Variants in ZBED6 observed in about 807,000 individuals in gnomAD.
ZBED6 encodes the protein zinc finger BED-type containing 6, also known as zinc finger BED domain-containing protein 6.
In ZBED6, 40 loss-of-function variants were observed where a neutral mutation model predicts 58.4. The ratio of observed to expected loss-of-function variants is 0.68; its 90% CI spans 0.53 to 0.89. The LOEUF is 0.89. Among genes scored for constraint, ZBED6 ranks in the 40% least tolerant of loss-of-function variants. The pLI is 0.00. For synonymous variants in ZBED6, 439 were observed against 350.6 expected, an observed-to-expected ratio of 1.25 and a Z score of -2.82; for missense variants, 1,057 against 1,003.9, an observed-to-expected ratio of 1.05 and a Z score of -0.71.
At chr1:203,806,187 G>C in intron 1 of ZBED6, 1 of 467,020 alleles carries the variant, frequency 2.1e-6, no homozygotes, top group Non-Finnish European at 4.2e-6. Context: ...ATTCTGCCCT[G>C]CTGTCCACCA....
chr1:203,820,299 C>G (rs1678115867), intron 3 of ZBED6, among the ~76,000 whole-genome samples: 1 of 151,698 alleles, frequency 6.6e-6, no homozygotes, highest in Non-Finnish European at 1.5e-5. Context: ...AGTTTTGTCT[C>G]CTTCTGTTGA....
chr1:203,849,728 A>G (rs1474559599), exon 14 of ZBED6: 2 of 1,613,970 alleles, frequency 1.2e-6, no homozygotes, highest in African/African-American at 1.3e-5. Flanking sequence ...GTGAGACCAC[A>G]GGAGTTGACA....
At chr1:203,807,325 G>T (rs945716387) in intron 1 of ZBED6, among the ~76,000 whole-genome samples, 4 of 152,030 alleles carry the variant, frequency 2.6e-5, no homozygotes, top group Non-Finnish European at 4.4e-5. Flanking sequence ...TTGCTCTTTT[G>T]CCCAGGTTGG....
At chr1:203,851,194 C>A in intron 16 of ZBED6, 70 bp downstream of exon 16, 1 of 1,352,356 alleles carries the variant, frequency 7.4e-7, no homozygotes, top group Non-Finnish European at 1.0e-6. Flanking sequence ...TAGAGAATAA[C>A]ACTGATAAAT....
chr1:203,841,156 TA>T (rs1444927805), intron 11 of ZBED6, among the ~76,000 whole-genome samples: 25 of 144,134 alleles, frequency 1.7e-4, no homozygotes, highest in Admixed American at 4.1e-4. Context: ...TTTTTTTTTT[TA>T]TTTTTTTTTT....
At chr1:203,831,118 A>AT (rs899262434) in intron 7 of ZBED6, among the ~76,000 whole-genome samples, 3 of 151,304 alleles carry the variant, frequency 2.0e-5, no homozygotes, top group African/African-American at 4.9e-5. Flanking sequence ...GTAATTTTGT[A>AT]TTTTTGGTAA....
At chr1:203,837,455 T>TC (rs1455039349) in intron 9 of ZBED6, among the ~76,000 whole-genome samples, 1 of 109,830 alleles carries the variant, frequency 9.1e-6, no homozygotes, top group African/African-American at 3.3e-5. Context: ...CTTGTCTCTC[T>TC]TTTTTTTTTT....
intron 8 of ZBED6, among the ~76,000 whole-genome samples, chr1:203,832,004 A>G (rs567870713): frequency 2.2e-4 from 33 of 152,332 alleles, no homozygotes; most frequent in Non-Finnish European, 4.0e-4. Context: ...TATCCACTCA[A>G]TACATTTATT....
At chr1:203,819,529 A>ATTTTTTTTTTTTTTTTTTTTTTTTT (rs755259647) in intron 3 of ZBED6, among the ~76,000 whole-genome samples, 1 of 72,878 alleles carries the variant, frequency 1.4e-5, no homozygotes, top group East Asian at 3.6e-4. Context: ...GCTGACTCCA[A>ATTTTTTTTTTTTTTTTTTTTTTTTT]TTTTTTTTTT....
chr1:203,826,411 A>C (rs895801155), intron 3 of ZBED6, among the ~76,000 whole-genome samples: 1 of 151,706 alleles, frequency 6.6e-6, no homozygotes. Context: ...ATACTTTAAA[A>C]ATATTAATAG....
At chr1:203,829,981 CT>C in intron 6 of ZBED6, 85 bp downstream of exon 6, 2 of 1,407,760 alleles carry the variant, frequency 1.4e-6, no homozygotes, top group Non-Finnish European at 2.0e-6. Flanking sequence ...CCTCCCTCTT[CT>C]TTTTCCCATG....
chr1:203,796,891 C>T (rs967792716), exon 1 of ZBED6: 22 of 155,122 alleles, frequency 1.4e-4, no homozygotes, highest in African/African-American at 5.1e-4. Context: ...TTAGTTAGAA[C>T]TGAAAGGGCT....
At chr1:203,797,521 G>T in exon 1 of ZBED6, 1 of 1,494,264 alleles carries the variant, frequency 6.7e-7, no homozygotes, top group African/African-American at 1.4e-5. Context: ...GACATAAAGA[G>T]AATGAGTGTA....
At position 203,829,768 on chromosome 1, in the gene ZBED6, G is replaced by A; in HGVS notation, c.*3202-12G>A. ...TTTTAATTGTGAATTTGCCTTAAAT[G>A]TTGATATATAGATCAGTTTTCTGAG... On this transcript the variant is annotated splice_polypyrimidine_tract_variant and intron_variant, in intron 5 of 16. Transcript: ENST00000550078. 6.2e-7 allele frequency: 1 copy of A among 1,613,652 alleles called. No individual in the cohort carries two copies. The highest frequency in any genetic ancestry group is 8.5e-7 in the Non-Finnish European group (1 of 1,179,556).
exon 1 of ZBED6, chr1:203,797,261 G>C: frequency 3.7e-6 from 1 of 268,136 alleles, no homozygotes; most frequent in Non-Finnish European, 7.0e-6. Context: ...TGTAACATGA[G>C]GACACTGGAC....
chr1:203,803,109 G>A (rs946552889), intron 1 of ZBED6, 93 bp downstream of exon 1: 25 of 152,412 alleles, frequency 1.6e-4, no homozygotes, highest in African/African-American at 5.3e-4. Context: ...AAATTAAAAG[G>A]CCATTGTTCA....
At chr1:203,838,954 C>CAA (rs59033094) in intron 10 of ZBED6, among the ~76,000 whole-genome samples, 17 of 97,884 alleles carry the variant, frequency 1.7e-4, no homozygotes, top group Middle Eastern at 4.5e-3. Context: ...GACTTCATCT[C>CAA]AAAAAAAAAA....
chr1:203,799,967 A>T, exon 1 of ZBED6: 1 of 1,536,174 alleles, frequency 6.5e-7, no homozygotes, highest in Non-Finnish European at 8.7e-7. Context: ...TTCCAACTTC[A>T]GAAGCTTCTT....
At chr1:203,799,583 T>C (rs1025763921) in exon 1 of ZBED6, 12 of 702,988 alleles carry the variant, frequency 1.7e-5, no homozygotes, top group Admixed American at 6.0e-5. Flanking sequence ...TAATGACTTA[T>C]GTTTGTGATA....
Sources: allele counts gnomAD v4.1 joint callset (sites outside exome capture counted in the v4.1 genomes callset), GRCh38; gene constraint gnomAD v4.1.1; transcripts MANE v1.5; gene names NCBI Gene and HGNC (gene_info 2026-07-23, HGNC 2026-07-21).